NECAB2: variants seen among roughly 807,000 people sequenced by gnomAD.
The protein encoded by NECAB2 is N-terminal EF-hand calcium-binding protein 2.
A neutral mutation model predicts 51.9 loss-of-function variants in NECAB2; 68 were observed. The ratio of observed to expected loss-of-function variants is 1.31; its 90% CI spans 1.08 to 1.60. The LOEUF is 1.60. Among genes scored for constraint, NECAB2 ranks in the 40% most tolerant of loss-of-function variants. NECAB2 has a pLI of 0.00. For missense variants in NECAB2, 854 were observed against 490.3 expected (o/e 1.74, Z -7.00); for synonymous variants, 329 against 203.5 (o/e 1.62, Z -5.25).
intron 5 of NECAB2, among the ~76,000 whole-genome samples, chr16:83,981,875 C>G (rs1455273673): frequency 1.3e-5 from 2 of 152,144 alleles, no homozygotes; most frequent in African/African-American, 4.8e-5. Context: ...GCAGCAGCCA[C>G]CAGCACCCTG....
At chr16:83,994,530 G>A in intron 7 of NECAB2, 79 bp from the exon 8 acceptor site, 1 of 1,597,660 alleles carries the variant, frequency 6.3e-7, no homozygotes, top group South Asian at 1.1e-5. Flanking sequence ...CCCCTGGAGG[G>A]GCTGGATGTT....
intron 2 of NECAB2, among the ~76,000 whole-genome samples, chr16:83,975,440 C>T (rs2084398364): frequency 6.6e-6 from 1 of 152,072 alleles, no homozygotes; most frequent in Non-Finnish European, 1.5e-5. Context: ...TGACGCTAGC[C>T]CTGCCTCACG....
intron 5 of NECAB2, among the ~76,000 whole-genome samples, chr16:83,984,114 G>C (rs1200496046): frequency 6.7e-6 from 1 of 149,784 alleles, no homozygotes; most frequent in Non-Finnish European, 1.5e-5. Context: ...TCCTGCTTCA[G>C]CCTCCCGAGT....
chr16:83,999,031 C>T (rs765686362), intron 10 of NECAB2, among the ~76,000 whole-genome samples: 3 of 152,158 alleles, frequency 2.0e-5, no homozygotes, highest in Non-Finnish European at 4.4e-5. Flanking sequence ...GGCTTTCTTC[C>T]ATCCCCAGAG....
rs982052236 is a variant in NECAB2, at chr16:83,980,827, C to T, written c.336-12C>T. ...TGTCTCTGTCTGTCTCTGCCTCTGT[C>T]TGTCTCTGCAGCCATGTGGACACCA... On this transcript the variant is annotated splice_polypyrimidine_tract_variant and intron_variant, in intron 3 of 12. Transcript: ENST00000305202. 1.3e-6 allele frequency: 2 copies of T among 1,576,306 alleles called. No homozygotes were observed. The highest frequency in any genetic ancestry group is 8.6e-7 in the Non-Finnish European group (1 of 1,160,396).
intron 1 of NECAB2, among the ~76,000 whole-genome samples, chr16:83,969,993 A>C (rs1346066302): frequency 6.6e-6 from 1 of 152,096 alleles, no homozygotes; most frequent in African/African-American, 2.4e-5. Flanking sequence ...GCACACATTC[A>C]CACACTCACG....
chr16:83,993,744 G>T (rs11862563), intron 6 of NECAB2: 4 of 160,666 alleles, frequency 2.5e-5, no homozygotes, highest in Admixed American at 2.4e-4. Context: ...GCACAGGAGA[G>T]GGGTGTCCAG....
chr16:83,973,797 C>T (rs1206722990), intron 2 of NECAB2, among the ~76,000 whole-genome samples: 2 of 151,786 alleles, frequency 1.3e-5, no homozygotes, highest in East Asian at 1.9e-4. Flanking sequence ...CGTGGCTGTG[C>T]GTATCTCGGT....
intron 6 of NECAB2, among the ~76,000 whole-genome samples, chr16:83,993,185 C>T (rs968387516): frequency 1.3e-5 from 2 of 152,174 alleles, no homozygotes; most frequent in Non-Finnish European, 2.9e-5. Context: ...GACAGTCTCC[C>T]AGGATGTCAC....
intron 5 of NECAB2, among the ~76,000 whole-genome samples, chr16:83,983,479 C>T (rs907201424): frequency 7.2e-5 from 11 of 152,144 alleles, no homozygotes; most frequent in Non-Finnish European, 1.5e-4. Context: ...ATTTTAGAAT[C>T]CTTGTCAGCA....
intron 9 of NECAB2, among the ~76,000 whole-genome samples, chr16:83,997,948 G>A (rs1044934167): frequency 2.0e-5 from 3 of 152,174 alleles, no homozygotes; most frequent in African/African-American, 7.2e-5. Context: ...AGGTGGTTGT[G>A]GACATGGATG....
At chr16:83,968,998 A>G in intron 1 of NECAB2, 149 bp downstream of exon 1, 1 of 329,876 alleles carries the variant, frequency 3.0e-6, no homozygotes, top group Non-Finnish European at 4.6e-6. Flanking sequence ...CCGGAGCGGG[A>G]GCCCCCAGCC....
At chr16:83,991,448 C>T (rs144791421) in intron 6 of NECAB2, among the ~76,000 whole-genome samples, 1,642 of 144,906 alleles carry the variant, frequency 0.011, 22 homozygotes, top group African/African-American at 0.033. Context: ...CTCACTGCAA[C>T]GTCCGCCTCC....
Position 83,981,244 on chromosome 16 carries a change from G to A in NECAB2, c.459+117G>A, listed in dbSNP as rs1597205640. ...GCCGCCAGGGAGGCCTATCTCAGGG[G>A]TGGGCTTTGCCTGGGCCTCTTTGAA... On this transcript the variant is annotated intron_variant, in intron 5 of 12. Coordinates refer to ENST00000305202, the MANE Select transcript of NECAB2 (RefSeq NM_019065.3). 5 of 892,610 alleles carry A rather than the reference G, an allele frequency of 5.6e-6. No homozygotes were observed. In the East Asian group the frequency reaches 7.6e-5, roughly 14 times the overall value. 55.3% of individuals were successfully genotyped at this position (892,610 alleles called of 1,614,324 possible).
chr16:83,979,053 C>T (rs1369318696), intron 3 of NECAB2, among the ~76,000 whole-genome samples: 1 of 152,184 alleles, frequency 6.6e-6, no homozygotes, highest in African/African-American at 2.4e-5. Flanking sequence ...ATAACCCTGA[C>T]CTGCATCTCA....
intron 5 of NECAB2, 100 bp downstream of exon 5, chr16:83,981,227 G>T: frequency 9.2e-7 from 1 of 1,085,732 alleles, no homozygotes; most frequent in Non-Finnish European, 1.4e-6. Context: ...AGGCCGCCAG[G>T]GAGGCCTATC....
intron 11 of NECAB2, among the ~76,000 whole-genome samples, chr16:84,001,594 G>T (rs572033780): frequency 1.8e-4 from 27 of 152,180 alleles, no homozygotes; most frequent in African/African-American, 6.0e-4. Flanking sequence ...AATGAGTGGG[G>T]GGATCCCGCT....
rs1238636667 is a variant in NECAB2 at position 83,968,780 on chromosome 16, G to T, written c.132G>T (p.Ser44=). The T allele has an allele frequency of 3.6e-6, 4 of 1,108,332 alleles. No homozygotes were observed. The African/African-American group carries it at 5.0e-5, about 14-fold the overall frequency. 68.7% of individuals were successfully genotyped at this position (1,108,332 alleles called of 1,614,324 possible). ...VGARMGEPRE[S]LAPAAPADPG... Reference sequence around the variant, plus strand: ...CCAGGATGGGCGAGCCCCGGGAGTCGCTGGCCCCCGCCGCCCCCGCGGACC... The same window carrying T: ...CCAGGATGGGCGAGCCCCGGGAGTCTCTGGCCCCCGCCGCCCCCGCGGACC... Residue 44 remains serine, a synonymous_variant, in exon 1 of 13, where the codon TCG becomes TCT. Coordinates refer to ENST00000305202, the MANE Select transcript of NECAB2 (RefSeq NM_019065.3).
At chr16:83,965,779 C>A (rs370513864), upstream of NECAB2, 20 of 1,613,188 alleles carry the variant, frequency 1.2e-5, no homozygotes, top group East Asian at 3.6e-4. Flanking sequence ...ACCCCGACCT[C>A]TCCTTCCTGC....
Sources: gnomAD v4.1 joint callset for allele counts (sites outside exome capture counted in the v4.1 genomes callset) on GRCh38, gnomAD v4.1.1 for gene constraint, MANE v1.5 for transcripts, NCBI Gene and HGNC (gene_info 2026-07-23, HGNC 2026-07-21) for gene names.